Variants in FAM171A2 observed in about 807,000 individuals in gnomAD.
The protein encoded by FAM171A2 is protein FAM171A2.
In FAM171A2, 13 loss-of-function variants were observed where a neutral mutation model predicts 34.2. The ratio of observed to expected loss-of-function variants is 0.38; its 90% CI spans 0.25 to 0.60. The LOEUF (loss-of-function observed/expected upper bound fraction) is 0.60, where lower values mean the gene tolerates loss of function less well. Among genes scored for constraint, FAM171A2 ranks in the 20% least tolerant of loss-of-function variants. The pLI is 0.62. For missense variants in FAM171A2, 950 were observed against 1,180.7 expected (o/e 0.80, Z 2.86); for synonymous variants, 475 against 561.2 (o/e 0.85, Z 2.17).
At position 44,356,572 on chromosome 17, in the gene FAM171A2, G is replaced by C; in HGVS notation, c.456C>G (p.Pro152=). Residue 152 remains proline, a synonymous_variant, in exon 4 of 8, where the codon CCC becomes CCG. Coordinates refer to ENST00000293443, the MANE Select transcript of FAM171A2 (RefSeq NM_198475.3). ...CAGCCCGGCGCTGGAACTGCACCAA[G>C]GGCTGGGAGCGGGCACCTGGAGGGA... ...LLGSPGARSQ[P]LVQFQRRAAR... The C allele has an allele frequency of 3.2e-6, 5 of 1,545,172 alleles. No homozygotes were observed. The highest frequency in any genetic ancestry group is 4.4e-6 in the Non-Finnish European group (5 of 1,144,336).
intron 1 of FAM171A2, 59 bp downstream of exon 1, chr17:44,363,538 C>T: frequency 1.3e-6 from 1 of 783,258 alleles, no homozygotes; most frequent in Non-Finnish European, 1.7e-6. Context: ...GGCTGACGGG[C>T]GGGAGCCTGA....
At position 44,360,019 on chromosome 17, in the gene FAM171A2, C is replaced by CT; in HGVS notation, c.231dup (p.Glu78ArgfsTer35). ...CTGAGGGGCAGGGTGGCCACACCCT[C>CT]TGAGTCTGTGGTGCCAGCTGCCAGC... On this transcript the variant is annotated frameshift_variant, in exon 2 of 8. Coordinates refer to ENST00000293443, the MANE Select transcript of FAM171A2 (RefSeq NM_198475.3). LOFTEE classifies it high-confidence loss of function. 1.9e-6 allele frequency: 3 copies of CT among 1,551,776 alleles called. No homozygotes were observed. Among genetic ancestry groups the CT allele is most frequent in the Non-Finnish European group, 2.6e-6 (3 of 1,147,014 alleles).
Position 44,354,660 on chromosome 17 carries a change from C to T in FAM171A2, c.1554G>A (p.Gln518=). The change falls in exon 8 of 8, where the codon CAG becomes CAA. Residue 518 remains glutamine, a synonymous_variant. Coordinates refer to ENST00000293443, the MANE Select transcript of FAM171A2 (RefSeq NM_198475.3). This position sits in a 1 kb window ranked among gnomAD's most constrained non-coding sequence, Gnocchi z 5.8. ...ARPPSLGQAG[Q]LIFCGSIDHL... ...GGTCGATGGAGCCGCAGAAGATGAG[C>T]TGCCCCGCCTGGCCCAGCGACGGCG... The T allele has an allele frequency of 7.6e-7, 1 of 1,311,998 alleles. No individual in the cohort carries two copies. Among genetic ancestry groups the T allele is most frequent in the Non-Finnish European group, 9.7e-7 (1 of 1,029,956 alleles). The allele number at this position is 1,311,998 out of a possible 1,614,324, so 81.3% of individuals were successfully genotyped here.
chr17:44,361,036 G>A (rs112376123), intron 1 of FAM171A2, among the ~76,000 whole-genome samples: 2 of 152,210 alleles, frequency 1.3e-5, no homozygotes, highest in East Asian at 1.9e-4. Context: ...GGAGATCTAG[G>A]GGGGAGCAAC....
chr17:44,355,260 T>C lies in FAM171A2; in HGVS notation c.1023-69A>G, dbSNP rs2048417303. The C allele has an allele frequency of 2.0e-6, 3 of 1,522,104 alleles. No individual in the cohort carries two copies. The African/African-American group carries it at 4.2e-5, about 21-fold the overall frequency. The allele number at this position is 1,522,104 out of a possible 1,614,324, so 94.3% of individuals were successfully genotyped here. On this transcript the variant is annotated intron_variant, in intron 7 of 7. Transcript: ENST00000293443. This position sits in a 1 kb window ranked among gnomAD's most constrained non-coding sequence, Gnocchi z 4.1. ...GGCCAAAGTAGGCCCCGAACCCCCT[T>C]AGATGCAAGACAAGAGACGAATATA...
rs1023432122 is a variant in FAM171A2, at chr17:44,357,844, C to T, written c.440-1256G>A. 2.6e-5 allele frequency among the ~76,000 whole-genome samples: 4 copies of T among 151,868 alleles called. No homozygotes were observed. The East Asian group carries it at 7.7e-4, about 29-fold the overall frequency. ...ATTAATCTTTAAGCTATGCTGGGCACTGTTCTAAGCAGGTTACCTATATTA... is the reference window on the plus strand; with the variant it reads ...ATTAATCTTTAAGCTATGCTGGGCATTGTTCTAAGCAGGTTACCTATATTA... On this transcript the variant is annotated intron_variant, in intron 3 of 7. Coordinates refer to ENST00000293443, the MANE Select transcript of FAM171A2 (RefSeq NM_198475.3).
At chr17:44,363,269 G>A (rs139816223) in intron 1 of FAM171A2, among the ~76,000 whole-genome samples, 2,804 of 152,238 alleles carry the variant, frequency 0.018, 39 homozygotes, top group Non-Finnish European at 0.027. Flanking sequence ...CCCCTGGGCG[G>A]GTGTCTTCGG....
At chr17:44,358,150 GGAAA>G (rs1244544984) in intron 3 of FAM171A2, among the ~76,000 whole-genome samples, 2 of 152,206 alleles carry the variant, frequency 1.3e-5, no homozygotes, top group Admixed American at 6.5e-5. Flanking sequence ...GACTCAGCCA[GGAAA>G]GAAAGAGGGA....
Position 44,355,333 on chromosome 17 carries a change from G to T in FAM171A2, c.1023-142C>A. The T allele has an allele frequency of 7.2e-7, 1 of 1,392,730 alleles. No individual in the cohort carries two copies. Among genetic ancestry groups the T allele is most frequent in the Non-Finnish European group, 9.5e-7 (1 of 1,055,690 alleles). The allele number at this position is 1,392,730 out of a possible 1,614,324, so 86.3% of individuals were successfully genotyped here. A position where few individuals can be genotyped will look rare whatever the true frequency, so the allele number is the denominator to read the frequency against. ...CTGGGGCGCTCAGGAGAGATGGCGG[G>T]GAGCCGCCGTGTCCGTTTGGCGATC... On this transcript the variant is annotated intron_variant, in intron 7 of 7. Transcript: ENST00000293443. The surrounding 1 kb of genome is among the most constrained non-coding windows in gnomAD (Gnocchi z 4.1).
chr17:44,360,270 CA>C (rs2048443011), intron 1 of FAM171A2, 138 bp from the exon 2 acceptor site: 1 of 678,022 alleles, frequency 1.5e-6, no homozygotes, highest in South Asian at 2.0e-5. Context: ...ATTTAAGACC[CA>C]GCATTCACAG....
Position 44,354,810 on chromosome 17 carries a change from C to G in FAM171A2, c.1404G>C (p.Ala468=), listed in dbSNP as rs1019477663. The part of the protein sequence containing the change: ...EEHRRGPSGA[A]AFLHEPPSPP... ...GCGAGGGCGGCTCGTGCAGGAAGGCCGCAGCCCCCGAGGGCCCCCGCCGGT... is the reference window on the plus strand; with the variant it reads ...GCGAGGGCGGCTCGTGCAGGAAGGCGGCAGCCCCCGAGGGCCCCCGCCGGT... Residue 468 remains alanine, a synonymous_variant, in exon 8 of 8, where the codon GCG becomes GCC. Transcript: ENST00000293443. The surrounding 1 kb of genome is among the most constrained non-coding windows in gnomAD (Gnocchi z 5.8). 3.9e-6 allele frequency: 5 copies of G among 1,285,950 alleles called. No homozygotes were observed. The highest frequency in any genetic ancestry group is 4.1e-5 in the Admixed American group (1 of 24,344). The allele number at this position is 1,285,950 out of a possible 1,614,324, so 79.7% of individuals were successfully genotyped here.
Position 44,356,533 on chromosome 17 carries a change from G to C in FAM171A2, c.495C>G (p.Val165=). 5.2e-6 allele frequency: 8 copies of C among 1,549,964 alleles called. No individual in the cohort carries two copies. The highest frequency in any genetic ancestry group is 7.0e-6 in the Non-Finnish European group (8 of 1,146,816). Residue 165 remains valine (V), a synonymous_variant, in exon 4 of 8, where the codon GTC becomes GTG. Transcript: ENST00000293443. ...CCCAGAGCTGGCTGTAGGTGGAGCT[G>C]ACAGGCAGGCGGGCAGCCCGGCGCT... ...QFQRRAARLP[V]SSTYSQLWAS... is the part of the protein sequence containing the mutation.
Position 44,355,546 on chromosome 17 carries a change from C to G in FAM171A2, c.1022+169G>C, listed in dbSNP as rs1033469029. Among the ~76,000 whole-genome samples, 3 of 152,208 alleles carry G rather than the reference C, an allele frequency of 2.0e-5. No individual in the cohort carries two copies. The highest frequency in any genetic ancestry group is 7.2e-5 in the African/African-American group (3 of 41,452). On this transcript the variant is annotated intron_variant, in intron 7 of 7. Transcript: ENST00000293443. This position sits in a 1 kb window ranked among gnomAD's most constrained non-coding sequence, Gnocchi z 4.1. ...AGTCCTTAAGCCCTGCCTCCCCTCC[C>G]ACCTCCCCGCTGTCTTCAACCACCA...
chr17:44,354,791 G>C lies in FAM171A2; in HGVS notation c.1423C>G (p.Pro475Ala). 1 of 1,296,066 alleles carries C rather than the reference G, an allele frequency of 7.7e-7. No homozygotes were observed. Among genetic ancestry groups the C allele is most frequent in the Non-Finnish European group, 9.8e-7 (1 of 1,022,156 alleles). The allele number at this position is 1,296,066 out of a possible 1,614,324, so 80.3% of individuals were successfully genotyped here. The change falls in exon 8 of 8, where the codon CCC becomes GCC. Residue 475 changes from proline to alanine, a missense_variant. Coordinates refer to ENST00000293443, the MANE Select transcript of FAM171A2 (RefSeq NM_198475.3). This position sits in a 1 kb window ranked among gnomAD's most constrained non-coding sequence, Gnocchi z 5.8. Reference protein sequence around the residue: ...SGAAAFLHEPPSPPPPFDHYL... With the variant: ...SGAAAFLHEPASPPPPFDHYL... ...TGGTCGAAGGGCGGCGGCGGCGAGGGCGGCTCGTGCAGGAAGGCCGCAGCC... is the reference window on the plus strand; with the variant it reads ...TGGTCGAAGGGCGGCGGCGGCGAGGCCGGCTCGTGCAGGAAGGCCGCAGCC...
chr17:44,358,683 C>T (rs963071181), intron 3 of FAM171A2, among the ~76,000 whole-genome samples: 3 of 151,770 alleles, frequency 2.0e-5, no homozygotes, highest in Non-Finnish European at 2.9e-5. Flanking sequence ...AATACTCCAT[C>T]TCAAAAAAAA....
At position 44,355,367 on chromosome 17, in the gene FAM171A2, G is replaced by A. The variant is rs1179177700; in HGVS notation, c.1023-176C>T. Among the ~76,000 whole-genome samples the A allele has an allele frequency of 6.6e-6, 1 of 152,242 alleles. No individual in the cohort carries two copies. Among genetic ancestry groups the A allele is most frequent in the Non-Finnish European group, 1.5e-5 (1 of 68,026 alleles). ...GTGTCCGTTTGGCGATCCCCTCAGG[G>A]TCAACTCTGCACTCCTCTGCATGTA... is the stretch of plus-strand genomic sequence containing the variant. On this transcript the variant is annotated intron_variant, in intron 7 of 7. Transcript: ENST00000293443. The surrounding 1 kb of genome is among the most constrained non-coding windows in gnomAD (Gnocchi z 4.1).
At chr17:44,356,765 A>C (rs954796701) in intron 3 of FAM171A2, among the ~76,000 whole-genome samples, 177 bp from the exon 4 acceptor site, 1 of 152,230 alleles carries the variant, frequency 6.6e-6, no homozygotes, top group African/African-American at 2.4e-5. Context: ...CCTGGAAGGG[A>C]CATGGACCTG....
intron 1 of FAM171A2, among the ~76,000 whole-genome samples, chr17:44,362,130 A>G (rs962514529): frequency 2.0e-5 from 3 of 152,078 alleles, no homozygotes; most frequent in African/African-American, 4.8e-5. Flanking sequence ...TGCCTAGCAG[A>G]TTCCCTTCCC....
rs2048402095 is a variant in FAM171A2, at chr17:44,353,653, AG to A, written c.*79del. The A allele has an allele frequency of 1.9e-5, 20 of 1,072,804 alleles. No homozygotes were observed. In the East Asian group the frequency reaches 7.8e-4, roughly 42 times the overall value. 66.5% of individuals were successfully genotyped at this position (1,072,804 alleles called of 1,614,324 possible). A position where few individuals can be genotyped will look rare whatever the true frequency, so the allele number is the denominator to read the frequency against. ...GGCCTGGGGCTGGGAGCTACGCGCG[AG>A]GGCCCCCGCGGGCCCCCGGGGCGCG... On this transcript the variant is annotated 3_prime_UTR_variant, in exon 8 of 8. Transcript: ENST00000293443.
Sources: gnomAD v4.1 joint callset for allele counts (sites outside exome capture counted in the v4.1 genomes callset) on GRCh38, gnomAD v4.1.1 for gene constraint, Gnocchi (gnomAD v3.1) non-coding constraint, MANE v1.5 for transcripts, NCBI Gene and HGNC (gene_info 2026-07-23, HGNC 2026-07-21) for gene names.